The following GDAP1L1 variants were observed in gnomAD, a reference collection of about 807,000 sequenced individuals.
GDAP1L1 encodes the protein ganglioside induced differentiation associated protein 1 like 1, also known as ganglioside-induced differentiation-associated protein 1-like 1.
In GDAP1L1, 21 loss-of-function variants were observed where a neutral mutation model predicts 37.1. The observed-to-expected ratio is 0.57, with a 90% CI of 0.40 to 0.81. The LOEUF (loss-of-function observed/expected upper bound fraction) is 0.81. GDAP1L1 is among the 40% of genes least tolerant of loss of function. GDAP1L1 has a pLI of 0.00. For missense variants in GDAP1L1, 362 were observed against 491.6 expected (o/e 0.74, Z 2.49); for synonymous variants, 193 against 209.1 (o/e 0.92, Z 0.67).
At chr20:44,258,157 G>A (rs1337230984) in intron 2 of GDAP1L1, 2 of 717,480 alleles carry the variant, frequency 2.8e-6, no homozygotes, top group Non-Finnish European at 5.2e-6. Flanking sequence ...CCAGGTTGCA[G>A]CTTCTCTTGA....
intron 3 of GDAP1L1, among the ~76,000 whole-genome samples, chr20:44,260,248 T>C (rs534594307): frequency 6.7e-6 from 1 of 149,502 alleles, no homozygotes; most frequent in Non-Finnish European, 1.5e-5. Flanking sequence ...ATGGAATGCT[T>C]CCTAAGATAT....
At chr20:44,255,750 T>C (rs1457519401) in intron 1 of GDAP1L1, among the ~76,000 whole-genome samples, 1 of 152,028 alleles carries the variant, frequency 6.6e-6, no homozygotes. Flanking sequence ...AATGGGCCTT[T>C]CCTCTTTTGG....
intron 1 of GDAP1L1, among the ~76,000 whole-genome samples, chr20:44,248,300 G>A (rs2073371724): frequency 6.6e-6 from 1 of 152,246 alleles, no homozygotes; most frequent in African/African-American, 2.4e-5. Flanking sequence ...CTCTAGGGGC[G>A]CAATCTCCCA....
chr20:44,263,359 C>T (rs2073707118), intron 4 of GDAP1L1, 32 bp downstream of exon 4: 2 of 1,378,906 alleles, frequency 1.5e-6, no homozygotes, highest in East Asian at 4.6e-5. Flanking sequence ...GAGTCCCCTT[C>T]CCTACGAGCT....
intron 1 of GDAP1L1, among the ~76,000 whole-genome samples, chr20:44,250,142 T>C (rs997433399): frequency 1.3e-5 from 2 of 152,052 alleles, no homozygotes; most frequent in Admixed American, 6.5e-5. Context: ...TGGAAAAAAA[T>C]AGTCCACCTC....
intron 1 of GDAP1L1, among the ~76,000 whole-genome samples, chr20:44,252,588 C>T (rs560796243): frequency 1.3e-5 from 2 of 152,196 alleles, no homozygotes; most frequent in African/African-American, 2.4e-5. Flanking sequence ...TGCAGTCAGC[C>T]GAGATTGCAC....
At chr20:44,268,768 T>TG (rs1568655840) in intron 5 of GDAP1L1, among the ~76,000 whole-genome samples, 2 of 152,060 alleles carry the variant, frequency 1.3e-5, no homozygotes, top group Non-Finnish European at 2.9e-5. Context: ...GTCTGCTGTG[T>TG]GGGGAGTCCT....
intron 5 of GDAP1L1, among the ~76,000 whole-genome samples, chr20:44,270,595 G>A (rs2062504955): frequency 6.6e-6 from 1 of 152,222 alleles, no homozygotes; most frequent in Admixed American, 6.5e-5. Flanking sequence ...GCTGTCAGCT[G>A]GGGCTGCAAT....
chr20:44,275,924 G>A lies in GDAP1L1; in HGVS notation c.761-3033G>A, dbSNP rs149463989. Among the ~76,000 whole-genome samples the A allele has an allele frequency of 3.9e-5, 6 of 152,240 alleles. No homozygotes were observed. In the East Asian group the frequency reaches 7.7e-4, roughly 20 times the overall value. On this transcript the variant is annotated intron_variant, in intron 5 of 5. Coordinates refer to ENST00000342560, the MANE Select transcript of GDAP1L1 (RefSeq NM_024034.6). ...ATGGTGATAAATAATGTAAAACCAC[G>A]TTGTGTGAGTTATCCTCTTTTGATT...
Position 44,279,162 on chromosome 20 carries a change from G to A in GDAP1L1, c.966G>A (p.Leu322=), listed in dbSNP as rs370524577. The A allele has an allele frequency of 2.5e-6, 4 of 1,614,134 alleles. No individual in the cohort carries two copies. The Admixed American group carries it at 6.7e-5, about 27-fold the overall frequency. ...RKVLGDIHTT[L]LSAVIPNAFR... is the part of the protein sequence containing the mutation. ...TCCTGGGTGACATCCACACCACCCT[G>A]CTGTCGGCCGTCATCCCCAATGCTT... The change falls in exon 6 of 6, where the codon CTG becomes CTA. Residue 322 remains leucine, a synonymous_variant. Transcript: ENST00000342560.
At chr20:44,247,203 G>T, upstream of GDAP1L1, 6 of 899,196 alleles carry the variant, frequency 6.7e-6, no homozygotes, top group Non-Finnish European at 8.7e-6. Context: ...CAACTGCCCG[G>T]TGAGTAATGA....
rs1003839462 is a variant in GDAP1L1 at position 44,265,400 on chromosome 20, A to T, written c.760+841A>T. On this transcript the variant is annotated intron_variant, in intron 5 of 5. Transcript: ENST00000342560. ...AGCTTCCCATCTTGCTCCGTTTAAGACCTGTGATGAGTCTTGTCTCCTGAA... is the reference window on the plus strand; with the variant it reads ...AGCTTCCCATCTTGCTCCGTTTAAGTCCTGTGATGAGTCTTGTCTCCTGAA... 25 of 985,162 alleles carry T rather than the reference A, an allele frequency of 2.5e-5. No homozygotes were observed. The African/African-American group carries it at 3.3e-4, about 13-fold the overall frequency. 61.0% of individuals were successfully genotyped at this position (985,162 alleles called of 1,614,324 possible).
At chr20:44,266,626 G>T (rs377160587) in intron 5 of GDAP1L1, among the ~76,000 whole-genome samples, 1 of 152,148 alleles carries the variant, frequency 6.6e-6, no homozygotes, top group African/African-American at 2.4e-5. Flanking sequence ...CCTGTGGGGT[G>T]AGTTTCTCTC....
At chr20:44,278,618 T>G (rs996018183) in intron 5 of GDAP1L1, among the ~76,000 whole-genome samples, 13 of 152,206 alleles carry the variant, frequency 8.5e-5, no homozygotes, top group African/African-American at 3.1e-4. Flanking sequence ...TGACCTCAAA[T>G]GATCTGCTCA....
chr20:44,262,688 T>C (rs2073693865), intron 3 of GDAP1L1, among the ~76,000 whole-genome samples: 1 of 152,074 alleles, frequency 6.6e-6, no homozygotes, highest in East Asian at 1.9e-4. Flanking sequence ...CTGTGTATTT[T>C]ATAATATTGC....
chr20:44,252,446 C>T (rs1381029183), intron 1 of GDAP1L1, among the ~76,000 whole-genome samples: 1 of 152,098 alleles, frequency 6.6e-6, no homozygotes, highest in African/African-American at 2.4e-5. Context: ...TTGAGACCAG[C>T]CTGACCAACA....
chr20:44,273,941 A>G (rs2062546672), intron 5 of GDAP1L1, among the ~76,000 whole-genome samples: 1 of 152,100 alleles, frequency 6.6e-6, no homozygotes, highest in Non-Finnish European at 1.5e-5. Flanking sequence ...CGACCCACCC[A>G]CTGTATATCA....
intron 1 of GDAP1L1, among the ~76,000 whole-genome samples, chr20:44,250,208 A>T (rs750160965): frequency 2.0e-5 from 3 of 152,208 alleles, no homozygotes; most frequent in Non-Finnish European, 4.4e-5. Flanking sequence ...CCCAGAGGGC[A>T]ACAGGACAGT....
chr20:44,264,168 A>G (rs1288710397), intron 4 of GDAP1L1, among the ~76,000 whole-genome samples: 3 of 152,124 alleles, frequency 2.0e-5, no homozygotes, highest in Non-Finnish European at 2.9e-5. Context: ...GCAGCTCCTT[A>G]TTGGCTGAGA....
Sources: allele counts gnomAD v4.1 joint callset (sites outside exome capture counted in the v4.1 genomes callset), GRCh38; gene constraint gnomAD v4.1.1; transcripts MANE v1.5; gene names NCBI Gene and HGNC (gene_info 2026-07-23, HGNC 2026-07-21).